SHISA9: variants seen among roughly 807,000 people sequenced by gnomAD.
The protein encoded by SHISA9 is protein shisa-9.
In SHISA9, 13 loss-of-function variants were observed where a neutral mutation model predicts 38.0. The observed-to-expected ratio is 0.34, with a 90% CI of 0.22 to 0.54. SHISA9 has a LOEUF of 0.54. Among genes scored for constraint, SHISA9 ranks in the 20% least tolerant of loss-of-function variants. SHISA9 has a pLI of 0.91. For synonymous variants in SHISA9, 275 were observed against 242.0 expected, an observed-to-expected ratio of 1.14 and a Z score of -1.27; for missense variants, 538 against 575.8, an observed-to-expected ratio of 0.93 and a Z score of 0.67.
At chr16:13,114,008 G>A (rs923859226) in intron 2 of SHISA9, among the ~76,000 whole-genome samples, 9 of 152,156 alleles carry the variant, frequency 5.9e-5, no homozygotes, top group Non-Finnish European at 1.2e-4. Context: ...GAAAAATTCC[G>A]GAGAATTTTG....
chr16:12,904,579 T>C (rs1451492478), intron 1 of SHISA9, among the ~76,000 whole-genome samples: 2 of 152,078 alleles, frequency 1.3e-5, no homozygotes, highest in Non-Finnish European at 2.9e-5. Flanking sequence ...CTTCTGCAGG[T>C]ATAGGGAGGG....
intron 2 of SHISA9, among the ~76,000 whole-genome samples, chr16:13,148,355 C>T (rs187766747): frequency 7.9e-5 from 12 of 152,224 alleles, no homozygotes; most frequent in African/African-American, 2.4e-4. Context: ...CCTGCAAACA[C>T]ATCCACACTA....
chr16:12,929,615 A>G (rs1031236428), intron 2 of SHISA9, among the ~76,000 whole-genome samples: 16 of 152,000 alleles, frequency 1.1e-4, no homozygotes, highest in Admixed American at 3.3e-4. Context: ...CAGGGAGGGG[A>G]ACAACACATA....
intron 1 of SHISA9, 145 bp from the exon 2 acceptor site, chr16:12,916,543 T>G (rs2071259470): frequency 4.2e-6 from 4 of 953,570 alleles, no homozygotes; most frequent in Non-Finnish European, 6.0e-6. Context: ...TTTACTTACG[T>G]TTTTCTCTAC....
At chr16:13,513,736 A>T in the SHISA9 span, among the ~76,000 whole-genome samples, 1 of 152,210 alleles carries the variant, frequency 6.6e-6, no homozygotes, top group Non-Finnish European at 1.5e-5. Flanking sequence ...TGACACAGGA[A>T]CAGAAAACCA....
intron 4 of SHISA9, among the ~76,000 whole-genome samples, chr16:13,233,320 A>G (rs1235016528): frequency 6.6e-6 from 1 of 152,038 alleles, no homozygotes; most frequent in Non-Finnish European, 1.5e-5. Context: ...GAAGGAAGGA[A>G]GGAAGGAAGG....
At chr16:12,908,897 T>C in intron 1 of SHISA9, 1 of 1,044,990 alleles carries the variant, frequency 9.6e-7, no homozygotes, top group Non-Finnish European at 1.2e-6. Context: ...GAATTGGAAA[T>C]CCAAGTGGCA....
intron 4 of SHISA9, among the ~76,000 whole-genome samples, chr16:13,231,835 G>A (rs1015216984): frequency 4.6e-5 from 7 of 152,216 alleles, no homozygotes; most frequent in African/African-American, 7.2e-5. Flanking sequence ...AAGGGTTTCC[G>A]TCTGTGGCCT....
At chr16:13,357,435 GA>G in the SHISA9 span, among the ~76,000 whole-genome samples, 720 of 152,346 alleles carry the variant, frequency 4.7e-3, 6 homozygotes, top group African/African-American at 0.016. Flanking sequence ...TACCGGATTT[GA>G]AATTGGTGAG....
At chr16:13,554,327 A>G in the SHISA9 span, among the ~76,000 whole-genome samples, 1 of 150,100 alleles carries the variant, frequency 6.7e-6, no homozygotes, top group Admixed American at 6.7e-5. Context: ...TTTCATGCCT[A>G]CCTGAGATAA....
chr16:13,398,438 A>G, the SHISA9 span, among the ~76,000 whole-genome samples: 1 of 151,366 alleles, frequency 6.6e-6, no homozygotes, highest in Non-Finnish European at 1.5e-5. Context: ...TTGTTTATTT[A>G]CTTATTCGTC....
At chr16:13,430,277 T>C in the SHISA9 span, among the ~76,000 whole-genome samples, 1 of 152,162 alleles carries the variant, frequency 6.6e-6, no homozygotes, top group African/African-American at 2.4e-5. Context: ...TGACAGTCAT[T>C]TGAGTATTGT....
At chr16:13,383,104 A>T in the SHISA9 span, among the ~76,000 whole-genome samples, 22 of 152,310 alleles carry the variant, frequency 1.4e-4, no homozygotes, top group African/African-American at 5.1e-4. Flanking sequence ...AGAAACAATA[A>T]ATAAACAAAT....
At chr16:13,302,319 T>G in the SHISA9 span, among the ~76,000 whole-genome samples, 15 of 152,278 alleles carry the variant, frequency 9.9e-5, no homozygotes, top group East Asian at 2.7e-3. Flanking sequence ...GCGTCTATAT[T>G]AGAAAGCTGG....
chr16:12,922,021 A>T (rs1047599482), intron 2 of SHISA9, among the ~76,000 whole-genome samples: 1 of 152,176 alleles, frequency 6.6e-6, no homozygotes, highest in Non-Finnish European at 1.5e-5. Context: ...TAAAGTTTGT[A>T]TAGCTACTTA....
the SHISA9 span, among the ~76,000 whole-genome samples, chr16:13,498,131 A>G: frequency 6.6e-6 from 1 of 152,312 alleles, no homozygotes; most frequent in East Asian, 1.9e-4. Flanking sequence ...GGAAAATATT[A>G]ACATTCAGCA....
At chr16:13,329,445 C>T in the SHISA9 span, among the ~76,000 whole-genome samples, 1 of 152,140 alleles carries the variant, frequency 6.6e-6, no homozygotes, top group African/African-American at 2.4e-5. Flanking sequence ...GATTAAAATC[C>T]ATGTGCTAGG....
At chr16:13,187,686 C>A (rs980624386) in intron 2 of SHISA9, among the ~76,000 whole-genome samples, 4 of 152,070 alleles carry the variant, frequency 2.6e-5, no homozygotes, top group South Asian at 2.1e-4. Flanking sequence ...ATGATAGTGA[C>A]CTTTGCTGTG....
chr16:13,038,665 A>G (rs2073100880), intron 2 of SHISA9, among the ~76,000 whole-genome samples: 1 of 152,144 alleles, frequency 6.6e-6, no homozygotes, highest in Non-Finnish European at 1.5e-5. Flanking sequence ...CCGACCCTTA[A>G]CATCACCCTG....
Sources: gnomAD v4.1 joint callset for allele counts (sites outside exome capture counted in the v4.1 genomes callset) on GRCh38, gnomAD v4.1.1 for gene constraint, MANE v1.5 for transcripts, NCBI Gene and HGNC (gene_info 2026-07-23, HGNC 2026-07-21) for gene names.